The following NOX3 variants were observed in gnomAD, a reference collection of about 807,000 sequenced individuals.
The protein encoded by NOX3 is NADPH oxidase catalytic subunit-like 3.
A neutral mutation model predicts 76.7 loss-of-function variants in NOX3; 74 were observed. The ratio of observed to expected loss-of-function variants is 0.96; its 90% CI spans 0.80 to 1.17. NOX3 has a LOEUF of 1.17. Ranked by LOEUF, NOX3 falls within the 50% of genes most tolerant of loss-of-function variation. The pLI is 0.00. For missense variants in NOX3, 695 were observed against 703.3 expected, an observed-to-expected ratio of 0.99 and a Z score of 0.13; for synonymous variants, 263 against 261.1, an observed-to-expected ratio of 1.01 and a Z score of -0.07.
rs531576311 is a variant in NOX3, at chr6:155,443,132, T to C, written c.486+141A>G. On this transcript the variant is annotated intron_variant, in intron 5 of 13. Coordinates refer to ENST00000159060, the MANE Select transcript of NOX3 (RefSeq NM_015718.3). ...GAGAAAAAAATAACTTTTTAGAAAA[T>C]GTGAAATTGAAAACAAATTCACATA... is the stretch of plus-strand genomic sequence containing the variant. 55 of 966,964 alleles carry C rather than the reference T, an allele frequency of 5.7e-5. 1 individual carries two copies. Among genetic ancestry groups the C allele is most frequent in the Middle Eastern group, 5.3e-4 (2 of 3,746 alleles). 59.9% of individuals were successfully genotyped at this position (966,964 alleles called of 1,614,324 possible).
chr6:155,411,234 T>C lies in NOX3; in HGVS notation c.1435A>G (p.Thr479Ala). The change falls in exon 11 of 14, where the codon ACC becomes GCC. Residue 479 changes from threonine to alanine, a missense_variant. Transcript: ENST00000159060. ...THFLSYHIFL[T>A]GWDENQALHI... ...AGTACCTGATTTTCATCCCAGCCGG[T>C]AAGAAATATATGATAACTCAGAAAG... is the stretch of plus-strand genomic sequence containing the variant. 2 of 1,613,762 alleles carry C rather than the reference T, an allele frequency of 1.2e-6. No homozygotes were observed. Among genetic ancestry groups the C allele is most frequent in the Non-Finnish European group, 1.7e-6 (2 of 1,179,832 alleles).
At chr6:155,452,187 G>A (rs750073403) in intron 4 of NOX3, among the ~76,000 whole-genome samples, 1 of 152,200 alleles carries the variant, frequency 6.6e-6, no homozygotes, top group Admixed American at 6.5e-5. Context: ...GGGGAATTCA[G>A]TATTCTTAGG....
intron 7 of NOX3, among the ~76,000 whole-genome samples, chr6:155,434,681 C>T (rs575466279): frequency 6.6e-6 from 1 of 152,268 alleles, no homozygotes; most frequent in South Asian, 2.1e-4. Flanking sequence ...ATCTTCCCCA[C>T]CCATTTTAGA....
At chr6:155,419,420 G>A (rs191952369) in intron 10 of NOX3, among the ~76,000 whole-genome samples, 9 of 152,212 alleles carry the variant, frequency 5.9e-5, no homozygotes, top group South Asian at 2.1e-4. Flanking sequence ...AATCATCTCC[G>A]CTCGAGGTGC....
intron 6 of NOX3, among the ~76,000 whole-genome samples, chr6:155,438,833 A>AGGGGT (rs1776944314): frequency 6.6e-6 from 1 of 152,186 alleles, no homozygotes; most frequent in Non-Finnish European, 1.5e-5. Context: ...TGGGAGAATG[A>AGGGGT]GGGGTGGAAG....
At chr6:155,404,367 C>A (rs558643826) in intron 12 of NOX3, among the ~76,000 whole-genome samples, 5 of 152,168 alleles carry the variant, frequency 3.3e-5, no homozygotes, top group Non-Finnish European at 5.9e-5. Context: ...GATTCTGTGG[C>A]TGCAGAAGCC....
intron 4 of NOX3, among the ~76,000 whole-genome samples, chr6:155,447,472 A>G (rs1379260073): frequency 6.6e-6 from 1 of 152,246 alleles, no homozygotes; most frequent in Non-Finnish European, 1.5e-5. Context: ...CAAAGATATT[A>G]AACTATTTAC....
chr6:155,399,621 C>T (rs981918701), intron 12 of NOX3, among the ~76,000 whole-genome samples: 6 of 152,120 alleles, frequency 3.9e-5, no homozygotes, highest in South Asian at 2.1e-4. Context: ...TTACTCTTCT[C>T]GGCATTTGTG....
At chr6:155,418,173 A>G (rs1776643808) in intron 10 of NOX3, among the ~76,000 whole-genome samples, 1 of 151,826 alleles carries the variant, frequency 6.6e-6, no homozygotes. Flanking sequence ...CCATTCATAC[A>G]CACCTATTTC....
chr6:155,441,443 C>A (rs1032352918), intron 5 of NOX3, among the ~76,000 whole-genome samples: 1 of 152,202 alleles, frequency 6.6e-6, no homozygotes, highest in African/African-American at 2.4e-5. Context: ...TCACATCATT[C>A]TTCCTTGCCT....
chr6:155,397,198 C>T (rs895063834), intron 12 of NOX3, among the ~76,000 whole-genome samples: 52 of 152,068 alleles, frequency 3.4e-4, no homozygotes, highest in African/African-American at 1.3e-3. Flanking sequence ...AAGACTGAGG[C>T]TGGAAAGGGG....
chr6:155,453,315 T>G (rs1582950872), intron 4 of NOX3, 89 bp downstream of exon 4: 1 of 995,316 alleles, frequency 1.0e-6, no homozygotes, highest in Non-Finnish European at 1.6e-6. Context: ...TACCTGAGGG[T>G]GAGACTTGGG....
At chr6:155,453,305 T>C in intron 4 of NOX3, 99 bp downstream of exon 4, 1 of 919,874 alleles carries the variant, frequency 1.1e-6, no homozygotes, top group Admixed American at 1.8e-5. Flanking sequence ...AGTTTTCTTT[T>C]ACCTGAGGGT....
chr6:155,451,368 A>T (rs1000268721), intron 4 of NOX3, among the ~76,000 whole-genome samples: 15 of 152,120 alleles, frequency 9.9e-5, no homozygotes, highest in African/African-American at 3.6e-4. Context: ...GGTATAAAAT[A>T]ATTTGGTTAC....
intron 10 of NOX3, among the ~76,000 whole-genome samples, chr6:155,418,817 A>G (rs1171703639): frequency 6.6e-6 from 1 of 152,234 alleles, no homozygotes; most frequent in Non-Finnish European, 1.5e-5. Flanking sequence ...ACTTTGGTGC[A>G]CATTTTTTCC....
chr6:155,455,459 C>T (rs1777202303), intron 1 of NOX3, among the ~76,000 whole-genome samples: 1 of 152,088 alleles, frequency 6.6e-6, no homozygotes. Flanking sequence ...TAGAAAAGTT[C>T]CAATTTCATA....
At chr6:155,414,623 C>CTTTTTTTTTTTTTTTTTTTTT (rs72348061) in intron 10 of NOX3, among the ~76,000 whole-genome samples, 1 of 113,790 alleles carries the variant, frequency 8.8e-6, no homozygotes. Context: ...TCTTTTCTTT[C>CTTTTTTTTTTTTTTTTTTTTT]TTTTTTTTTT....
intron 9 of NOX3, among the ~76,000 whole-genome samples, chr6:155,427,320 G>C (rs1322277835): frequency 6.6e-6 from 1 of 152,040 alleles, no homozygotes; most frequent in Admixed American, 6.5e-5. Context: ...CAGCTCAGTA[G>C]CCTACGAAAA....
At chr6:155,416,672 C>G (rs963098586) in intron 10 of NOX3, among the ~76,000 whole-genome samples, 3 of 150,764 alleles carry the variant, frequency 2.0e-5, no homozygotes, top group Non-Finnish European at 4.4e-5. Context: ...GAGGACTGAT[C>G]TCTTTTGGGC....
Sources: gnomAD v4.1 joint callset for allele counts (sites outside exome capture counted in the v4.1 genomes callset) on GRCh38, gnomAD v4.1.1 for gene constraint, MANE v1.5 for transcripts, NCBI Gene and HGNC (gene_info 2026-07-23, HGNC 2026-07-21) for gene names.